SLC25A40: variants seen among roughly 807,000 people sequenced by gnomAD.
SLC25A40 encodes the protein mitochondrial glutathione transporter SLC25A40.
SLC25A40 carries 41 observed loss-of-function variants against 46.5 expected under a neutral mutation model. The ratio of observed to expected loss-of-function variants is 0.88; its 90% confidence interval spans 0.69 to 1.14. The LOEUF is 1.14. SLC25A40 is among the 50% of genes most tolerant of loss of function. The pLI is 0.00. For synonymous variants in SLC25A40, 126 were observed against 127.5 expected (o/e 0.99, Z 0.08); for missense variants, 386 against 393.6 (o/e 0.98, Z 0.16).
intron 1 of SLC25A40, among the ~76,000 whole-genome samples, chr7:87,865,270 A>G (rs904656166): frequency 2.6e-5 from 4 of 152,200 alleles, no homozygotes; most frequent in African/African-American, 9.6e-5. Context: ...TTTAGATAAC[A>G]AAGAACAGAA....
At chr7:87,864,030 G>A (rs919938526) in intron 1 of SLC25A40, among the ~76,000 whole-genome samples, 19 of 152,136 alleles carry the variant, frequency 1.2e-4, no homozygotes, top group South Asian at 2.1e-4. Context: ...TGTCACAAGC[G>A]ACAGAATTTC....
intron 3 of SLC25A40, 152 bp from the exon 4 acceptor site, chr7:87,856,503 T>G (rs750098996): frequency 1.6e-4 from 113 of 723,396 alleles, no homozygotes; most frequent in Non-Finnish European, 2.6e-4. Flanking sequence ...GAATGTAACA[T>G]TCTAATTTTT....
intron 1 of SLC25A40, among the ~76,000 whole-genome samples, chr7:87,864,410 T>C (rs1257122620): frequency 6.6e-6 from 1 of 152,248 alleles, no homozygotes; most frequent in Non-Finnish European, 1.5e-5. Context: ...ATATCCACCA[T>C]GCTGATCTAT....
intron 10 of SLC25A40, among the ~76,000 whole-genome samples, chr7:87,837,512 C>G (rs1236575018): frequency 6.6e-6 from 1 of 151,044 alleles, no homozygotes; most frequent in African/African-American, 2.4e-5. Flanking sequence ...ATAATAACAT[C>G]TCGCTTATTT....
chr7:87,874,577 A>G (rs537105830), intron 1 of SLC25A40, among the ~76,000 whole-genome samples: 20 of 152,320 alleles, frequency 1.3e-4, no homozygotes, highest in Admixed American at 9.2e-4. Context: ...TTATTTTTCA[A>G]GTCTTAACCT....
At chr7:87,868,003 T>C (rs1426959636) in intron 1 of SLC25A40, among the ~76,000 whole-genome samples, 1 of 152,234 alleles carries the variant, frequency 6.6e-6, no homozygotes, top group African/African-American at 2.4e-5. Context: ...GCATCTCCTT[T>C]GGTTCAGTTA....
chr7:87,866,493 TTTGA>T (rs985157206), intron 1 of SLC25A40, among the ~76,000 whole-genome samples: 26 of 152,298 alleles, frequency 1.7e-4, no homozygotes, highest in African/African-American at 5.3e-4. Context: ...CCTTTTAGAG[TTTGA>T]TTATTATATG....
At chr7:87,839,359 CTATT>C (rs1185509258) in intron 10 of SLC25A40, among the ~76,000 whole-genome samples, 1 of 149,540 alleles carries the variant, frequency 6.7e-6, no homozygotes, top group Non-Finnish European at 1.5e-5. Flanking sequence ...AACCAACGTA[CTATT>C]TATTAAATCT....
At chr7:87,840,737 C>T (rs998017655) in intron 10 of SLC25A40, among the ~76,000 whole-genome samples, 2 of 151,704 alleles carry the variant, frequency 1.3e-5, no homozygotes, top group Non-Finnish European at 3.0e-5. Context: ...GATTACCTCC[C>T]AGGTTTTCAT....
At chr7:87,867,017 C>CT (rs34550397) in intron 1 of SLC25A40, among the ~76,000 whole-genome samples, 7,352 of 152,300 alleles carry the variant, frequency 0.048, 264 homozygotes, top group East Asian at 0.091. Flanking sequence ...TTTCTAACTC[C>CT]TTTGTCTCCG....
At position 87,841,685 on chromosome 7, in the gene SLC25A40, A is replaced by T. The variant is rs1172386160; in HGVS notation, c.771T>A (p.Asp257Glu). Residue 257 changes from aspartate (D) to glutamate (E), a missense_variant, in exon 10 of 12, where the codon GAT becomes GAA. Transcript: ENST00000341119. ...GTGTCTGCTTTTGTGTTTTTACTACATCAAATGGTAAAGTTGCAACAGCAG... is the reference window on the plus strand; with the variant it reads ...GTGTCTGCTTTTGTGTTTTTACTACTTCAAATGGTAAAGTTGCAACAGCAG... ...SFAAVATLPFDVVKTQKQTQL... is the reference protein window; with the variant it reads ...SFAAVATLPFEVVKTQKQTQL... The T allele has an allele frequency of 6.5e-7, 1 of 1,531,444 alleles. No individual in the cohort carries two copies. 94.9% of individuals were successfully genotyped at this position (1,531,444 alleles called of 1,614,324 possible).
chr7:87,865,595 AC>A (rs1323301983), intron 1 of SLC25A40, among the ~76,000 whole-genome samples: 1 of 152,086 alleles, frequency 6.6e-6, no homozygotes, highest in South Asian at 2.1e-4. Flanking sequence ...AGAGGGCGAA[AC>A]CCCAACTCCG....
chr7:87,865,707 G>A (rs1838783480), intron 1 of SLC25A40, among the ~76,000 whole-genome samples: 1 of 152,100 alleles, frequency 6.6e-6, no homozygotes, highest in South Asian at 2.1e-4. Context: ...AGGAGGCAGA[G>A]GTTGCAGTGA....
chr7:87,876,026 G>C, intron 1 of SLC25A40, 70 bp downstream of exon 1: 1 of 152,318 alleles, frequency 6.6e-6, no homozygotes, highest in South Asian at 2.1e-4. Flanking sequence ...GGCCAGAGCT[G>C]AGTCCGGACT....
chr7:87,857,888 G>A lies in SLC25A40; in HGVS notation c.97+743C>T, dbSNP rs182359396. Among the ~76,000 whole-genome samples, 1,099 of 152,336 alleles carry A rather than the reference G, an allele frequency of 7.2e-3. 7 individuals are homozygous for A. The highest frequency in any genetic ancestry group is 0.024 in the South Asian group (115 of 4,826). Reference sequence around the variant, plus strand: ...ATAGAGCCATATTTTTCTTCTTGCAGATAGCCTATAAACGGACATGCAAGT... The same window carrying A: ...ATAGAGCCATATTTTTCTTCTTGCAAATAGCCTATAAACGGACATGCAAGT... On this transcript the variant is annotated intron_variant, in intron 3 of 11. Coordinates refer to ENST00000341119, the MANE Select transcript of SLC25A40 (RefSeq NM_018843.4).
At chr7:87,848,847 G>C (rs1199469923) in intron 6 of SLC25A40, among the ~76,000 whole-genome samples, 3 of 152,156 alleles carry the variant, frequency 2.0e-5, no homozygotes, top group African/African-American at 4.8e-5. Context: ...GGTGGACTTT[G>C]CTGCTGAGAA....
chr7:87,841,930 A>G (rs1360356782), intron 9 of SLC25A40: 7 of 326,146 alleles, frequency 2.1e-5, no homozygotes, highest in Non-Finnish European at 4.0e-5. Context: ...AAATTCCCTT[A>G]CTTTCCTGAG....
At chr7:87,842,807 A>T (rs1838355304) in intron 9 of SLC25A40, among the ~76,000 whole-genome samples, 1 of 152,102 alleles carries the variant, frequency 6.6e-6, no homozygotes, top group Non-Finnish European at 1.5e-5. Context: ...TTAAAAAAAT[A>T]AATTTTCTAG....
At chr7:87,840,625 AC>A (rs1838318370) in intron 10 of SLC25A40, among the ~76,000 whole-genome samples, 1 of 108,198 alleles carries the variant, frequency 9.2e-6, no homozygotes, top group African/African-American at 2.6e-5. Context: ...GAAGAACGAA[AC>A]AAAATAATTT....
Sources: gnomAD v4.1 joint callset for allele counts (sites outside exome capture counted in the v4.1 genomes callset) on GRCh38, gnomAD v4.1.1 for gene constraint, MANE v1.5 for transcripts, NCBI Gene and HGNC (gene_info 2026-07-23, HGNC 2026-07-21) for gene names.